The following YES1 variants were observed in gnomAD, a reference collection of about 807,000 sequenced individuals.
YES1 encodes the protein tyrosine-protein kinase Yes.
A neutral mutation model predicts 70.4 loss-of-function variants in YES1; 39 were observed. That is an observed-to-expected ratio of 0.55 (90% CI 0.43 to 0.72). The LOEUF is 0.72. YES1 is among the 30% of genes least tolerant of loss of function. The pLI is 0.00. For missense variants in YES1, 495 were observed against 644.8 expected, an observed-to-expected ratio of 0.77 and a Z score of 2.52; for synonymous variants, 198 against 218.6, an observed-to-expected ratio of 0.91 and a Z score of 0.83.
At chr18:734,705 ATGT>A (rs1406212929) in intron 10 of YES1, among the ~76,000 whole-genome samples, 1 of 152,016 alleles carries the variant, frequency 6.6e-6, no homozygotes, top group Non-Finnish European at 1.5e-5. Flanking sequence ...AAAACAATAG[ATGT>A]TGGTGTGGAT....
chr18:751,577 T>C, intron 3 of YES1, 128 bp downstream of exon 3: 2 of 630,380 alleles, frequency 3.2e-6, no homozygotes, highest in Non-Finnish European at 5.6e-6. Context: ...AGCCAATGCA[T>C]CGTTAAACAC....
chr18:782,773 C>A (rs1431964122), intron 1 of YES1, among the ~76,000 whole-genome samples: 2 of 152,212 alleles, frequency 1.3e-5, no homozygotes, highest in Non-Finnish European at 2.9e-5. Context: ...CGGCTCACTG[C>A]AACCTCCACC....
At chr18:802,202 T>C (rs1004682873) in intron 1 of YES1, among the ~76,000 whole-genome samples, 2 of 152,146 alleles carry the variant, frequency 1.3e-5, no homozygotes, top group South Asian at 2.1e-4. Flanking sequence ...TGAGCTATGA[T>C]CATGCCACTG....
At chr18:724,698 C>T in intron 11 of YES1, 66 bp from the exon 12 acceptor site, 1 of 1,293,558 alleles carries the variant, frequency 7.7e-7, no homozygotes, top group Non-Finnish European at 1.1e-6. Flanking sequence ...ACATAACAAA[C>T]CCCCTAGCCA....
chr18:769,899 C>A (rs957750621), intron 1 of YES1, among the ~76,000 whole-genome samples: 5 of 150,944 alleles, frequency 3.3e-5, no homozygotes, highest in Non-Finnish European at 7.4e-5. Context: ...TCTGTGTTTG[C>A]TTTTGGTATC....
intron 1 of YES1, among the ~76,000 whole-genome samples, chr18:778,398 A>G (rs1905491957): frequency 1.3e-5 from 2 of 152,226 alleles, no homozygotes; most frequent in African/African-American, 4.8e-5. Flanking sequence ...CTAACTTTGG[A>G]AACAGCACCC....
At chr18:746,742 T>C (rs1239343620) in intron 4 of YES1, among the ~76,000 whole-genome samples, 2 of 152,214 alleles carry the variant, frequency 1.3e-5, no homozygotes, top group Non-Finnish European at 2.9e-5. Flanking sequence ...ATAAACTGGT[T>C]TAACCTAAAA....
At chr18:764,433 G>A (rs1265664559) in intron 1 of YES1, among the ~76,000 whole-genome samples, 1 of 152,132 alleles carries the variant, frequency 6.6e-6, no homozygotes, top group Non-Finnish European at 1.5e-5. Context: ...TGTTTGTCAG[G>A]CTGGTCTCGA....
intron 3 of YES1, among the ~76,000 whole-genome samples, chr18:750,808 A>G (rs2080333172): frequency 6.6e-6 from 1 of 152,188 alleles, no homozygotes; most frequent in Non-Finnish European, 1.5e-5. Context: ...GATTAGCTAA[A>G]TAAAGGAAAG....
At chr18:748,947 G>C (rs910482768) in intron 3 of YES1, among the ~76,000 whole-genome samples, 10 of 152,000 alleles carry the variant, frequency 6.6e-5, no homozygotes. Context: ...GATCACCTGA[G>C]GTCCAGAGTT....
At chr18:755,108 G>A (rs1329044071) in intron 2 of YES1, among the ~76,000 whole-genome samples, 2 of 152,146 alleles carry the variant, frequency 1.3e-5, no homozygotes, top group African/African-American at 4.8e-5. Flanking sequence ...TTTTGCTAAA[G>A]ACTTAGAAAT....
intron 1 of YES1, among the ~76,000 whole-genome samples, chr18:774,125 C>T (rs192196893): frequency 3.3e-4 from 51 of 152,344 alleles, no homozygotes; most frequent in African/African-American, 1.2e-3. Flanking sequence ...GCCACGGCGC[C>T]TGGCCTTCCC....
chr18:726,781 C>CAAAAAA lies in YES1; in HGVS notation c.1424-2155_1424-2150dup, dbSNP rs58322434. Among the ~76,000 whole-genome samples, 190 of 47,250 alleles carry CAAAAAA rather than the reference C, an allele frequency of 4.0e-3. 14 individuals are homozygous for CAAAAAA. The highest frequency in any genetic ancestry group is 5.8e-3 in the African/African-American group (67 of 11,454). 31.0% of individuals were successfully genotyped at this position (47,250 alleles called of 152,430 possible). A position where few individuals can be genotyped will look rare whatever the true frequency, so the allele number is the denominator to read the frequency against. ...GGGTGACAAAGCAAGACTCTTGTCT[C>CAAAAAA]AAAAAAAAAAAAAAAAAAAAAAAAA... On this transcript the variant is annotated intron_variant, in intron 11 of 11. Coordinates refer to ENST00000314574, the MANE Select transcript of YES1 (RefSeq NM_005433.4).
chr18:795,748 C>T (rs1268227833), intron 1 of YES1, among the ~76,000 whole-genome samples: 1 of 143,354 alleles, frequency 7.0e-6, no homozygotes. Flanking sequence ...CACACTGGGG[C>T]CTGTTAGGGG....
chr18:742,380 A>G (rs2080225674), intron 8 of YES1, among the ~76,000 whole-genome samples: 3 of 151,704 alleles, frequency 2.0e-5, no homozygotes, highest in Non-Finnish European at 2.9e-5. Flanking sequence ...GCACTTTGGG[A>G]GGCCAAAAAG....
chr18:755,484 T>C lies in YES1; in HGVS notation c.271+1073A>G, dbSNP rs551229901. Among the ~76,000 whole-genome samples the C allele has an allele frequency of 3.3e-5, 5 of 152,280 alleles. 1 individual carries two copies. The South Asian group carries it at 1.0e-3, about 32-fold the overall frequency. ...CCAGGCTGGTCTCAAACTCCTGAGC[T>C]CAGGCAATCTGCCTGCCTCAGCCTC... is the stretch of plus-strand genomic sequence containing the variant. On this transcript the variant is annotated intron_variant, in intron 2 of 11. Coordinates refer to ENST00000314574, the MANE Select transcript of YES1 (RefSeq NM_005433.4).
rs571892874 is a variant in YES1, at chr18:763,523, C to T, written c.-8-6688G>A. ...CAGCCTGGGCGTCATGGCAGAACCC[C>T]GTCTCTACAAAAAATACAAAAAATT... On this transcript the variant is annotated intron_variant, in intron 1 of 11. Transcript: ENST00000314574. Among the ~76,000 whole-genome samples the T allele has an allele frequency of 8.6e-5, 13 of 151,664 alleles. No individual in the cohort carries two copies. In the South Asian group the frequency reaches 2.7e-3, roughly 32 times the overall value.
chr18:762,884 A>T (rs1022925801), intron 1 of YES1, among the ~76,000 whole-genome samples: 1 of 152,258 alleles, frequency 6.6e-6, no homozygotes, highest in African/African-American at 2.4e-5. Flanking sequence ...TACAATGTGA[A>T]AAATGCTAGA....
At chr18:812,362 C>G (rs1907454280), upstream of YES1, 3 of 147,294 alleles carry the variant, frequency 2.0e-5, no homozygotes, top group South Asian at 7.2e-4. Context: ...TGACTTCTAG[C>G]GGGGGCGGGG....
Sources: allele counts gnomAD v4.1 joint callset (sites outside exome capture counted in the v4.1 genomes callset), GRCh38; gene constraint gnomAD v4.1.1; transcripts MANE v1.5; gene names NCBI Gene and HGNC (gene_info 2026-07-23, HGNC 2026-07-21).